Variants in MGAM observed in about 807,000 individuals in gnomAD.
MGAM encodes alpha-1,4-glucosidase.
Under a neutral mutation model 358.8 loss-of-function variants are expected in MGAM, and 253 were observed. That is an observed-to-expected ratio of 0.71 (90% CI 0.64 to 0.78). The LOEUF (loss-of-function observed/expected upper bound fraction) is 0.78, where lower values mean the gene tolerates loss of function less well. Ranked by LOEUF, MGAM falls within the 30% of genes least tolerant of loss-of-function variation. The pLI, the probability that MGAM is intolerant of heterozygous loss-of-function variation, is 0.00. For missense variants in MGAM, 3,080 were observed against 3,432.6 expected (o/e 0.90, Z 2.57); for synonymous variants, 1,105 against 1,227.1 (o/e 0.90, Z 2.08).
chr7:142,044,321 G>A lies in MGAM; in HGVS notation c.2499-3464G>A, dbSNP rs1245168218. On this transcript the variant is annotated intron_variant, in intron 21 of 70. Coordinates refer to ENST00000475668, the MANE Select transcript of MGAM (RefSeq NM_001365693.1). ...TATACTATATATAATATACACATAC[G>A]ATATATAATATATAATATATATATA... is the stretch of plus-strand genomic sequence containing the variant. 1.0e-4 allele frequency among the ~76,000 whole-genome samples: 13 copies of A among 129,156 alleles called. 1 individual carries two copies. Among genetic ancestry groups the A allele is most frequent in the Admixed American group, 8.8e-4 (10 of 11,322 alleles). 84.7% of individuals were successfully genotyped at this position (129,156 alleles called of 152,430 possible). A position where few individuals can be genotyped will look rare whatever the true frequency, so the allele number is the denominator to read the frequency against.
rs1357432796 is a variant in MGAM, at chr7:142,044,321, GATATATA to G, written c.2499-3449_2499-3443del. On this transcript the variant is annotated intron_variant, in intron 21 of 70. Transcript: ENST00000475668. ...TATACTATATATAATATACACATAC[GATATATA>G]ATATATAATATATATATAATATACA... 2.3e-5 allele frequency among the ~76,000 whole-genome samples: 3 copies of G among 129,158 alleles called. 1 individual carries two copies. Among genetic ancestry groups the G allele is most frequent in the Non-Finnish European group, 3.2e-5 (2 of 62,066 alleles). 84.7% of individuals were successfully genotyped at this position (129,158 alleles called of 152,430 possible).
chr7:142,036,088 A>C, intron 16 of MGAM, 81 bp from the exon 17 acceptor site: 2 of 1,046,850 alleles, frequency 1.9e-6, no homozygotes, highest in Middle Eastern at 2.9e-4. Flanking sequence ...AGCAAGGTTC[A>C]GTTGGGAGGT....
At chr7:142,096,046 G>A in intron 64 of MGAM, 1 of 594,126 alleles carries the variant, frequency 1.7e-6, no homozygotes, top group Non-Finnish European at 3.0e-6. Context: ...AGAGATTTGA[G>A]GGAAAAGGGC....
intron 1 of MGAM, among the ~76,000 whole-genome samples, chr7:142,000,142 A>G (rs1476979111): frequency 6.6e-6 from 1 of 152,204 alleles, no homozygotes; most frequent in East Asian, 1.9e-4. Context: ...TAAAACAACA[A>G]ACATTTATTA....
At chr7:141,997,403 G>T (rs1187138639) in intron 1 of MGAM, among the ~76,000 whole-genome samples, 3 of 152,102 alleles carry the variant, frequency 2.0e-5, no homozygotes, top group South Asian at 2.1e-4. Flanking sequence ...AAGACAGCTT[G>T]TTGCTATTTC....
rs1489062505 is a variant in MGAM, at chr7:142,050,587, G to T, written c.2638-110G>T. On this transcript the variant is annotated intron_variant, in intron 23 of 70. Coordinates refer to ENST00000475668, the MANE Select transcript of MGAM (RefSeq NM_001365693.1). ...ACACACTAGTAGAGAAAGCAGAGAG[G>T]CATTTATGGCAGTGGGGGGTATCCG... The T allele has an allele frequency of 1.2e-4, 137 of 1,115,878 alleles. 3 individuals are homozygous for T. The South Asian group carries it at 1.9e-3, about 16-fold the overall frequency. The allele number at this position is 1,115,878 out of a possible 1,614,324, so 69.1% of individuals were successfully genotyped here.
rs1237869963 is a variant in MGAM, at chr7:142,095,629, G to C, written c.7523G>C (p.Arg2508Thr). 1.2e-6 allele frequency: 2 copies of C among 1,613,772 alleles called. No individual in the cohort carries two copies. The highest frequency in any genetic ancestry group is 1.1e-5 in the South Asian group (1 of 91,074). ...VNISRTVLQTRYTLLPYLYTL... is the reference protein window; with the variant it reads ...VNISRTVLQTTYTLLPYLYTL... ...ATTTCCAGAACTGTCCTGCAGACCA[G>C]ATACACCCTGTTGCCATATCTGTAT... Residue 2508 changes from arginine (R) to threonine (T), a missense_variant, in exon 64 of 71, where the codon AGA (arginine) becomes ACA (threonine). Arg to Thr is a moderately conservative substitution (Grantham distance 71). Transcript: ENST00000475668.
chr7:142,050,358 T>C, intron 23 of MGAM, 74 bp downstream of exon 23: 1 of 1,482,450 alleles, frequency 6.7e-7, no homozygotes, highest in Non-Finnish European at 9.4e-7. Flanking sequence ...CTTGTGTATA[T>C]TGTATATGTG....
chr7:142,042,074 C>A lies in MGAM; in HGVS notation c.2498+1228C>A, dbSNP rs796454533. Among the ~76,000 whole-genome samples the A allele has an allele frequency of 2.8e-4, 18 of 63,406 alleles. 2 individuals are homozygous for A. Among genetic ancestry groups the A allele is most frequent in the African/African-American group, 1.0e-3 (16 of 15,402 alleles). 41.6% of individuals were successfully genotyped at this position (63,406 alleles called of 152,430 possible). A position where few individuals can be genotyped will look rare whatever the true frequency, so the allele number is the denominator to read the frequency against. On this transcript the variant is annotated intron_variant, in intron 21 of 70. Coordinates refer to ENST00000475668, the MANE Select transcript of MGAM (RefSeq NM_001365693.1). ...TAATATATATACATATAATATATAA[C>A]ATACAATATATAACATATAATATAT...
intron 1 of MGAM, among the ~76,000 whole-genome samples, chr7:141,999,306 A>T (rs1804541405): frequency 6.6e-6 from 1 of 152,234 alleles, no homozygotes; most frequent in African/African-American, 2.4e-5. Flanking sequence ...AAAACGTGCT[A>T]TGGGCCATAA....
intron 3 of MGAM, among the ~76,000 whole-genome samples, chr7:142,014,010 A>C (rs1282182512): frequency 1.3e-5 from 2 of 152,214 alleles, no homozygotes; most frequent in Non-Finnish European, 2.9e-5. Context: ...TGTGCAGCTA[A>C]GATTAATAAC....
intron 70 of MGAM, among the ~76,000 whole-genome samples, chr7:142,104,040 G>A (rs2129068389): frequency 6.6e-6 from 1 of 152,172 alleles, no homozygotes; most frequent in Non-Finnish European, 1.5e-5. Context: ...TTTTAGTAGA[G>A]ACAGGTTTTC....
chr7:142,013,718 C>G (rs1554455138), intron 3 of MGAM, among the ~76,000 whole-genome samples: 1 of 152,136 alleles, frequency 6.6e-6, no homozygotes, highest in Non-Finnish European at 1.5e-5. Context: ...ATGCTTACTA[C>G]AGAAAATGTG....
At chr7:142,018,822 A>C (rs1411484414) in intron 3 of MGAM, among the ~76,000 whole-genome samples, 10 of 152,240 alleles carry the variant, frequency 6.6e-5, no homozygotes, top group Admixed American at 5.2e-4. Flanking sequence ...AGATGATTGC[A>C]AAGTCTTATT....
At chr7:142,041,152 C>T (rs1417911229) in intron 21 of MGAM, among the ~76,000 whole-genome samples, 1 of 152,140 alleles carries the variant, frequency 6.6e-6, no homozygotes, top group Non-Finnish European at 1.5e-5. Flanking sequence ...TATTTCTTTT[C>T]TCCCACTAAG....
intron 2 of MGAM, among the ~76,000 whole-genome samples, chr7:142,006,940 G>A (rs1805210601): frequency 6.6e-6 from 1 of 151,944 alleles, no homozygotes; most frequent in Admixed American, 6.6e-5. Context: ...ATATTGTATT[G>A]GCCCTTCTTA....
chr7:142,101,032 C>G, intron 68 of MGAM, 142 bp downstream of exon 68: 1 of 753,182 alleles, frequency 1.3e-6, no homozygotes, highest in Non-Finnish European at 2.1e-6. Flanking sequence ...GGGTATAATC[C>G]ATATTGGACA....
intron 1 of MGAM, among the ~76,000 whole-genome samples, chr7:142,004,984 G>A (rs567848413): frequency 2.0e-5 from 3 of 152,056 alleles, no homozygotes; most frequent in African/African-American, 7.2e-5. Flanking sequence ...GGAACTATAA[G>A]GGTAGAGAAA....
upstream of MGAM, among the ~76,000 whole-genome samples, chr7:141,994,785 A>T (rs1202639120): frequency 2.0e-5 from 3 of 151,824 alleles, no homozygotes; most frequent in Non-Finnish European, 4.4e-5. Flanking sequence ...GCTCTTGCTC[A>T]CTCTCTCTGG....
Sources: gnomAD v4.1 joint callset for allele counts (sites outside exome capture counted in the v4.1 genomes callset) on GRCh38, gnomAD v4.1.1 for gene constraint, MANE v1.5 for transcripts, NCBI Gene and HGNC (gene_info 2026-07-23, HGNC 2026-07-21) for gene names.